The following ARHGAP26 variants were observed in gnomAD, a reference collection of about 807,000 sequenced individuals.
ARHGAP26 encodes the protein rho GTPase-activating protein 26.
Under a neutral mutation model 104.8 loss-of-function variants are expected in ARHGAP26, and 38 were observed. That is an observed-to-expected ratio of 0.36 (90% CI 0.28 to 0.48). ARHGAP26 has a LOEUF of 0.48. Among genes scored for constraint, ARHGAP26 ranks in the 20% least tolerant of loss-of-function variants. The pLI is 0.99. For missense variants in ARHGAP26, 704 were observed against 947.9 expected, an observed-to-expected ratio of 0.74 and a Z score of 3.38; for synonymous variants, 341 against 340.0, an observed-to-expected ratio of 1.00 and a Z score of -0.03.
chr5:143,121,183 A>C (rs761831205), intron 18 of ARHGAP26, 36 bp downstream of exon 18: 6 of 1,594,244 alleles, frequency 3.8e-6, no homozygotes, highest in African/African-American at 1.3e-5. Flanking sequence ...TGAAGAATGT[A>C]CCTGGGGGGA....
intron 21 of ARHGAP26, among the ~76,000 whole-genome samples, chr5:143,211,762 G>T (rs2151381734): frequency 6.6e-6 from 1 of 151,188 alleles, no homozygotes; most frequent in African/African-American, 2.4e-5. Context: ...AGAGATGGAG[G>T]TCTCTACAGT....
chr5:143,032,539 T>A (rs138506688), intron 12 of ARHGAP26, among the ~76,000 whole-genome samples: 1,619 of 152,352 alleles, frequency 0.011, 10 homozygotes, highest in Non-Finnish European at 0.016. Context: ...GCCGCCTCCA[T>A]CTGGCGAGCC....
At chr5:142,962,914 T>C (rs1770500919) in intron 11 of ARHGAP26, among the ~76,000 whole-genome samples, 3 of 152,006 alleles carry the variant, frequency 2.0e-5, no homozygotes, top group Admixed American at 2.0e-4. Context: ...CTAAGCCTAG[T>C]ACCCAATAGT....
intron 20 of ARHGAP26, among the ~76,000 whole-genome samples, chr5:143,179,754 A>G (rs1275876245): frequency 2.0e-5 from 3 of 152,184 alleles, no homozygotes; most frequent in African/African-American, 7.2e-5. Flanking sequence ...TCCACACTTC[A>G]TTTGTTATTG....
At chr5:142,902,978 G>T (rs765771914) in intron 7 of ARHGAP26, among the ~76,000 whole-genome samples, 3 of 152,174 alleles carry the variant, frequency 2.0e-5, no homozygotes, top group Non-Finnish European at 2.9e-5. Flanking sequence ...TGCAGGGGAG[G>T]CTCTGGAGCT....
intron 1 of ARHGAP26, among the ~76,000 whole-genome samples, chr5:142,863,533 G>C (rs757600707): frequency 6.6e-6 from 1 of 152,180 alleles, no homozygotes; most frequent in Non-Finnish European, 1.5e-5. Flanking sequence ...TATTCTGTCT[G>C]CAACAGCTTA....
At chr5:142,965,412 G>A (rs551024363) in intron 11 of ARHGAP26, among the ~76,000 whole-genome samples, 1 of 152,280 alleles carries the variant, frequency 6.6e-6, no homozygotes, top group African/African-American at 2.4e-5. Flanking sequence ...GCTAGACCAC[G>A]GTCCACCTGG....
intron 20 of ARHGAP26, among the ~76,000 whole-genome samples, chr5:143,159,510 G>A (rs982803711): frequency 1.3e-5 from 2 of 152,198 alleles, no homozygotes; most frequent in African/African-American, 4.8e-5. Flanking sequence ...AAAAAATGGT[G>A]CAGGACAGTG....
At chr5:142,779,574 T>C (rs1445273677) in intron 1 of ARHGAP26, among the ~76,000 whole-genome samples, 1 of 152,192 alleles carries the variant, frequency 6.6e-6, no homozygotes, top group East Asian at 1.9e-4. Context: ...CAGCAAAAGC[T>C]CAAAAAACTC....
chr5:142,826,820 A>C (rs1330390646), intron 1 of ARHGAP26, among the ~76,000 whole-genome samples: 2 of 152,224 alleles, frequency 1.3e-5, no homozygotes, highest in Admixed American at 1.3e-4. Flanking sequence ...CAAGACTTGA[A>C]AACTTTTAAA....
intron 11 of ARHGAP26, among the ~76,000 whole-genome samples, chr5:143,008,169 A>G (rs560209401): frequency 6.6e-6 from 1 of 152,248 alleles, no homozygotes; most frequent in Non-Finnish European, 1.5e-5. Context: ...TTGTATATCT[A>G]TGATTCCATT....
chr5:143,123,580 A>G (rs935582965), intron 18 of ARHGAP26, among the ~76,000 whole-genome samples: 1 of 152,232 alleles, frequency 6.6e-6, no homozygotes, highest in Non-Finnish European at 1.5e-5. Context: ...GGCCAGGCAC[A>G]GTGGTTCACA....
chr5:143,143,170 C>A (rs1277896552), intron 19 of ARHGAP26, among the ~76,000 whole-genome samples: 1 of 152,132 alleles, frequency 6.6e-6, no homozygotes, highest in African/African-American at 2.4e-5. Flanking sequence ...TGGGGGGAAA[C>A]CTCCCGCAAA....
chr5:143,172,300 T>TG lies in ARHGAP26; in HGVS notation c.1988+24919_1988+24920insG, dbSNP rs987376959. ...CAGGAATGTGAGGCTTGTTACTCTT[T>TG]AAAAAAAAAAATACATGTACAGTTG... On this transcript the variant is annotated intron_variant, in intron 20 of 22. Coordinates refer to ENST00000645722, the MANE Select transcript of ARHGAP26 (RefSeq NM_001135608.3). 2.1e-5 allele frequency among the ~76,000 whole-genome samples: 3 copies of TG among 145,746 alleles called. No homozygotes were observed. In the East Asian group the frequency reaches 5.9e-4, roughly 29 times the overall value.
At chr5:142,791,849 A>G (rs1759889231) in intron 1 of ARHGAP26, among the ~76,000 whole-genome samples, 1 of 149,996 alleles carries the variant, frequency 6.7e-6, no homozygotes, top group Non-Finnish European at 1.5e-5. Context: ...CTGTAGTTCC[A>G]GCTATCTGGG....
chr5:143,038,045 A>C (rs1782907538), intron 13 of ARHGAP26, among the ~76,000 whole-genome samples: 1 of 152,242 alleles, frequency 6.6e-6, no homozygotes, highest in African/African-American at 2.4e-5. Context: ...CAGTCCCAGC[A>C]GTTTGAAGCT....
chr5:142,877,201 G>T (rs1241663539), intron 3 of ARHGAP26, among the ~76,000 whole-genome samples: 1 of 152,094 alleles, frequency 6.6e-6, no homozygotes, highest in African/African-American at 2.4e-5. Context: ...TGAGTATCTG[G>T]CCGTAGCAAG....
chr5:142,926,922 C>T (rs540955000), intron 10 of ARHGAP26, among the ~76,000 whole-genome samples: 5 of 152,220 alleles, frequency 3.3e-5, no homozygotes, highest in East Asian at 1.9e-4. Context: ...TTTGAAATGC[C>T]GCATACACTT....
intron 13 of ARHGAP26, among the ~76,000 whole-genome samples, chr5:143,039,686 C>G (rs1399585075): frequency 6.6e-6 from 1 of 152,032 alleles, no homozygotes; most frequent in Non-Finnish European, 1.5e-5. Flanking sequence ...CTATTCGTCT[C>G]TCAGTCTTCA....
Sources: gnomAD v4.1 joint callset for allele counts (sites outside exome capture counted in the v4.1 genomes callset) on GRCh38, gnomAD v4.1.1 for gene constraint, MANE v1.5 for transcripts, NCBI Gene and HGNC (gene_info 2026-07-23, HGNC 2026-07-21) for gene names.